ADK: variants seen among roughly 807,000 people sequenced by gnomAD.
ADK encodes adenosine kinase, also known as N6,N6-dimethyladenosine kinase.
Under a neutral mutation model 44.7 loss-of-function variants are expected in ADK, and 24 were observed. The observed-to-expected ratio is 0.54, with a 90% CI of 0.39 to 0.76. The LOEUF is 0.76. Among genes scored for constraint, ADK ranks in the 30% least tolerant of loss-of-function variants. The probability of loss-of-function intolerance (pLI) is 0.00; values close to 1 mark genes in which losing one functional copy is unlikely to be tolerated. For synonymous variants in ADK, 128 were observed against 142.6 expected, an observed-to-expected ratio of 0.90 and a Z score of 0.73; for missense variants, 321 against 425.1, an observed-to-expected ratio of 0.76 and a Z score of 2.15.
At chr10:74,356,542 T>G (rs1395968176) in intron 4 of ADK, among the ~76,000 whole-genome samples, 2 of 152,206 alleles carry the variant, frequency 1.3e-5, no homozygotes, top group African/African-American at 4.8e-5. Flanking sequence ...ATTTTATAAA[T>G]TGGATGGTAT....
At chr10:74,335,180 G>T (rs1841363913) in intron 4 of ADK, among the ~76,000 whole-genome samples, 4 of 152,178 alleles carry the variant, frequency 2.6e-5, no homozygotes, top group Admixed American at 2.6e-4. Flanking sequence ...GGAATGGGGG[G>T]TAGCTGGCAC....
intron 8 of ADK, among the ~76,000 whole-genome samples, chr10:74,598,441 C>CATTTT: frequency 8.9e-6 from 1 of 111,786 alleles, no homozygotes; most frequent in East Asian, 2.5e-4. Flanking sequence ...AATCTTATTC[C>CATTTT]TTTTTTTTTT....
chr10:74,167,626 A>G (rs970566523), intron 1 of ADK, among the ~76,000 whole-genome samples: 2 of 152,190 alleles, frequency 1.3e-5, no homozygotes, highest in Non-Finnish European at 2.9e-5. Flanking sequence ...CTCACGTGGC[A>G]GCTCCAAGAG....
intron 6 of ADK, among the ~76,000 whole-genome samples, chr10:74,459,457 G>A (rs1335465474): frequency 2.6e-5 from 4 of 151,802 alleles, no homozygotes; most frequent in African/African-American, 9.7e-5. Flanking sequence ...TCAGCCGGGT[G>A]CGGTGGCTCA....
intron 6 of ADK, among the ~76,000 whole-genome samples, chr10:74,412,057 C>T (rs891096279): frequency 1.3e-5 from 2 of 152,206 alleles, no homozygotes; most frequent in East Asian, 3.9e-4. Flanking sequence ...CTTGCTATTT[C>T]CATCACATGT....
chr10:74,496,543 A>G (rs1847694461), intron 6 of ADK, among the ~76,000 whole-genome samples: 1 of 152,178 alleles, frequency 6.6e-6, no homozygotes, highest in African/African-American at 2.4e-5. Flanking sequence ...CCATGAGTTG[A>G]TTAAACTTCT....
At chr10:74,396,825 G>A (rs1358223760) in intron 5 of ADK, among the ~76,000 whole-genome samples, 2 of 151,900 alleles carry the variant, frequency 1.3e-5, no homozygotes, top group South Asian at 2.1e-4. Context: ...GCATCATGGC[G>A]GGCACTTGTA....
intron 1 of ADK, among the ~76,000 whole-genome samples, chr10:74,195,087 C>CG (rs1204141025): frequency 1.7e-4 from 15 of 87,946 alleles, no homozygotes; most frequent in Admixed American, 4.7e-4. Flanking sequence ...CCGCTCCCCC[C>CG]CCCAAAAAAA....
chr10:74,241,122 C>G (rs1270395400), intron 3 of ADK, among the ~76,000 whole-genome samples: 2 of 152,222 alleles, frequency 1.3e-5, no homozygotes, highest in Admixed American at 6.5e-5. Context: ...ATAAAAGAAG[C>G]CATTATTTAA....
At position 74,446,512 on chromosome 10, in the gene ADK, T is replaced by G. The variant is rs189435399; in HGVS notation, c.555+47933T>G. Among the ~76,000 whole-genome samples the G allele has an allele frequency of 5.4e-4, 82 of 152,250 alleles. 1 individual carries two copies. Among genetic ancestry groups the G allele is most frequent in the Middle Eastern group, 3.4e-3 (1 of 294 alleles). The stretch of plus-strand genomic sequence containing the variant: ...GTCAGAAGAACCTTACATTCCATGC[T>G]TAGGAGTATAAACTGTATACGATAA... On this transcript the variant is annotated intron_variant, in intron 6 of 10. Transcript: ENST00000539909.
intron 4 of ADK, among the ~76,000 whole-genome samples, chr10:74,363,765 C>G (rs1842415832): frequency 6.6e-6 from 1 of 152,134 alleles, no homozygotes; most frequent in Admixed American, 6.5e-5. Context: ...GATCTCTGCA[C>G]AGAATTATTT....
At chr10:74,269,079 T>C (rs1240853370) in intron 3 of ADK, among the ~76,000 whole-genome samples, 1 of 152,194 alleles carries the variant, frequency 6.6e-6, no homozygotes, top group Non-Finnish European at 1.5e-5. Flanking sequence ...TATATTTAAA[T>C]GTAACATTAA....
intron 2 of ADK, among the ~76,000 whole-genome samples, chr10:74,203,531 A>AT (rs958357486): frequency 7.3e-5 from 11 of 150,654 alleles, no homozygotes; most frequent in African/African-American, 1.5e-4. Context: ...GCTATTTTAA[A>AT]TTTTTTTTTG....
At chr10:74,284,268 T>A (rs1297427783) in intron 3 of ADK, among the ~76,000 whole-genome samples, 1 of 18,568 alleles carries the variant, frequency 5.4e-5, no homozygotes, top group Non-Finnish European at 2.2e-4. Flanking sequence ...CAAATTCTAT[T>A]TTTTTTTTTT....
intron 2 of ADK, among the ~76,000 whole-genome samples, chr10:74,203,951 C>CTTTTTTTTTTTTTTT (rs760810639): frequency 2.1e-5 from 2 of 95,832 alleles, no homozygotes; most frequent in African/African-American, 4.2e-5. Flanking sequence ...TTATTTAGGT[C>CTTTTTTTTTTTTTTT]TTTTTTTTTT....
At chr10:74,316,160 A>T (rs1011716925) in intron 4 of ADK, among the ~76,000 whole-genome samples, 5 of 152,052 alleles carry the variant, frequency 3.3e-5, no homozygotes, top group Non-Finnish European at 7.4e-5. Flanking sequence ...GAATCGGTTG[A>T]ACCTGGGCGG....
intron 3 of ADK, among the ~76,000 whole-genome samples, chr10:74,268,672 AT>A (rs1846307647): frequency 6.6e-6 from 1 of 152,184 alleles, no homozygotes; most frequent in Non-Finnish European, 1.5e-5. Flanking sequence ...TTAGCCTATA[AT>A]CTGTAAGTAT....
intron 2 of ADK, among the ~76,000 whole-genome samples, chr10:74,213,704 T>A (rs1473605591): frequency 6.6e-6 from 1 of 152,202 alleles, no homozygotes; most frequent in African/African-American, 2.4e-5. Flanking sequence ...AACAGAGATA[T>A]CTAGTAAAGT....
chr10:74,555,804 A>G (rs7078351), intron 7 of ADK, among the ~76,000 whole-genome samples: 34,411 of 152,006 alleles, frequency 0.23, 4,840 homozygotes, highest in East Asian at 0.63. Flanking sequence ...AGATAATTCA[A>G]TGCAAAATCA....
Sources: gnomAD v4.1 joint callset for allele counts (sites outside exome capture counted in the v4.1 genomes callset) on GRCh38, gnomAD v4.1.1 for gene constraint, MANE v1.5 for transcripts, NCBI Gene and HGNC (gene_info 2026-07-23, HGNC 2026-07-21) for gene names.